ABAT: variants seen among roughly 807,000 people sequenced by gnomAD.
The protein encoded by ABAT is 4-aminobutyrate aminotransferase, mitochondrial.
A neutral mutation model predicts 64.6 loss-of-function variants in ABAT; 45 were observed. The ratio of observed to expected loss-of-function variants is 0.70; its 90% confidence interval spans 0.55 to 0.89. The LOEUF is 0.89. ABAT is among the 40% of genes least tolerant of loss of function. The pLI is 0.00. For synonymous variants in ABAT, 297 were observed against 250.5 expected, an observed-to-expected ratio of 1.19 and a Z score of -1.75; for missense variants, 633 against 658.4, an observed-to-expected ratio of 0.96 and a Z score of 0.42.
chr16:8,739,331 G>A (rs1037573505), intron 2 of ABAT, among the ~76,000 whole-genome samples: 12 of 152,206 alleles, frequency 7.9e-5, no homozygotes, highest in African/African-American at 1.7e-4. Context: ...GAGCCTAACC[G>A]ATATACCTTA....
chr16:8,684,852 CAAAT>C (rs1295365369), intron 1 of ABAT, among the ~76,000 whole-genome samples: 1 of 151,898 alleles, frequency 6.6e-6, no homozygotes, highest in African/African-American at 2.4e-5. Flanking sequence ...AAGGAAAAGT[CAAAT>C]AAAGCACAAA....
At chr16:8,683,765 CCA>C (rs2057388309) in intron 1 of ABAT, among the ~76,000 whole-genome samples, 1 of 152,120 alleles carries the variant, frequency 6.6e-6, no homozygotes, top group Non-Finnish European at 1.5e-5. Flanking sequence ...TTACTAGACT[CCA>C]GGCATGGTTG....
intron 1 of ABAT, among the ~76,000 whole-genome samples, chr16:8,678,784 A>T (rs961520233): frequency 6.6e-6 from 1 of 152,212 alleles, no homozygotes; most frequent in Non-Finnish European, 1.5e-5. Flanking sequence ...TAGATGAATG[A>T]GGTGGATCCA....
chr16:8,766,163 T>G (rs368303712), intron 8 of ABAT, 45 bp from the exon 9 acceptor site: 3 of 1,573,154 alleles, frequency 1.9e-6, no homozygotes, highest in Non-Finnish European at 2.6e-6. Context: ...AAGCCCCGAC[T>G]ACCCCAGAGC....
intron 1 of ABAT, among the ~76,000 whole-genome samples, chr16:8,692,617 A>T (rs140924496): frequency 1.1e-4 from 16 of 152,240 alleles, no homozygotes; most frequent in Admixed American, 7.2e-4. Context: ...CTTCCTCCTG[A>T]TGGGAATGGA....
Position 8,764,600 on chromosome 16 carries a change from C to T in ABAT, c.448-138C>T. The T allele has an allele frequency of 1.2e-6, 1 of 841,514 alleles. No homozygotes were observed. Among genetic ancestry groups the T allele is most frequent in the South Asian group, 1.4e-5 (1 of 70,298 alleles). 52.1% of individuals were successfully genotyped at this position (841,514 alleles called of 1,614,324 possible). A position where few individuals can be genotyped will look rare whatever the true frequency, so the allele number is the denominator to read the frequency against. ...CTGGAAAAGCCTGAGCCCACCCTCC[C>T]AGTCCGACACCTTCCAGGACAGCCC... On this transcript the variant is annotated intron_variant, in intron 7 of 15. Coordinates refer to ENST00000268251, the MANE Select transcript of ABAT (RefSeq NM_020686.6). The surrounding 1 kb of genome is among the most constrained non-coding windows in gnomAD (Gnocchi z 4.2).
intron 5 of ABAT, among the ~76,000 whole-genome samples, chr16:8,752,123 C>T (rs9674265): frequency 0.027 from 4,072 of 152,336 alleles, 172 homozygotes; most frequent in African/African-American, 0.092. Flanking sequence ...TGGCTGTCCC[C>T]CCTCCTCTTC....
intron 1 of ABAT, among the ~76,000 whole-genome samples, chr16:8,696,998 GAAC>G (rs1567273944): frequency 6.6e-6 from 1 of 152,180 alleles, no homozygotes. Flanking sequence ...AAATCAAGGA[GAAC>G]AAGAGACGAG....
At chr16:8,719,322 A>G (rs889056786) in intron 1 of ABAT, among the ~76,000 whole-genome samples, 6 of 152,190 alleles carry the variant, frequency 3.9e-5, no homozygotes, top group African/African-American at 1.4e-4. Flanking sequence ...CCTCCCTTGT[A>G]GGATCAGAAA....
intron 2 of ABAT, among the ~76,000 whole-genome samples, chr16:8,740,082 C>T (rs1261948242): frequency 6.6e-6 from 1 of 152,006 alleles, no homozygotes; most frequent in Non-Finnish European, 1.5e-5. Flanking sequence ...TTAGCCCTCA[C>T]CTCCACTCCT....
chr16:8,679,451 C>A (rs2057280236), intron 1 of ABAT, among the ~76,000 whole-genome samples: 1 of 150,412 alleles, frequency 6.6e-6, no homozygotes, highest in Non-Finnish European at 1.5e-5. Context: ...GACCTCAGGC[C>A]AGCCACTTTA....
intron 2 of ABAT, among the ~76,000 whole-genome samples, chr16:8,741,103 G>C (rs1227509493): frequency 2.0e-5 from 3 of 152,282 alleles, no homozygotes; most frequent in Admixed American, 6.5e-5. Context: ...ATTGAGGGCT[G>C]TGAGCCCCAG....
intron 1 of ABAT, among the ~76,000 whole-genome samples, chr16:8,726,262 C>CTTTTTTTTT (rs71152921): frequency 7.2e-4 from 87 of 120,786 alleles, no homozygotes; most frequent in Non-Finnish European, 1.0e-3. Context: ...ATGACTAGAT[C>CTTTTTTTTT]TTTTTTTTTT....
At chr16:8,759,494 C>G (rs1307132567) in intron 6 of ABAT, among the ~76,000 whole-genome samples, 1 of 151,634 alleles carries the variant, frequency 6.6e-6, no homozygotes, top group Non-Finnish European at 1.5e-5. Flanking sequence ...TAACAGATTG[C>G]TGTATTTCTC....
chr16:8,765,976 G>C (rs528988197), intron 8 of ABAT: 1 of 486,220 alleles, frequency 2.1e-6, no homozygotes, highest in Non-Finnish European at 3.8e-6. Context: ...TAATCCAACA[G>C]ATCTTAATCG....
At chr16:8,722,758 T>C (rs550311410) in intron 1 of ABAT, 17 of 1,243,268 alleles carry the variant, frequency 1.4e-5, no homozygotes, top group African/African-American at 6.2e-5. Context: ...CACCTGCTTC[T>C]TTCCCCAGAT....
At chr16:8,743,954 G>A (rs1410281742) in intron 2 of ABAT, among the ~76,000 whole-genome samples, 1 of 152,100 alleles carries the variant, frequency 6.6e-6, no homozygotes, top group Non-Finnish European at 1.5e-5. Context: ...TGGATACACC[G>A]CACCTGTCTT....
chr16:8,767,822 C>G, intron 9 of ABAT, among the ~76,000 whole-genome samples: 1 of 151,962 alleles, frequency 6.6e-6, no homozygotes, highest in East Asian at 1.9e-4. Flanking sequence ...ATTACAGGCC[C>G]CCACCACCAT....
At chr16:8,778,380 T>C (rs1266576078) in intron 14 of ABAT, among the ~76,000 whole-genome samples, 3 of 152,178 alleles carry the variant, frequency 2.0e-5, no homozygotes, top group Non-Finnish European at 4.4e-5. Context: ...GAATCCTTCA[T>C]GTTCCTTGAC....
Sources: gnomAD v4.1 joint callset for allele counts (sites outside exome capture counted in the v4.1 genomes callset) on GRCh38, gnomAD v4.1.1 for gene constraint, Gnocchi (gnomAD v3.1) non-coding constraint, MANE v1.5 for transcripts, NCBI Gene and HGNC (gene_info 2026-07-23, HGNC 2026-07-21) for gene names.